The following KCNJ6 variants were observed in gnomAD, a reference collection of about 807,000 sequenced individuals.
KCNJ6 encodes the protein G protein-activated inward rectifier potassium channel 2.
In KCNJ6, 9 loss-of-function variants were observed where a neutral mutation model predicts 34.2. That is an observed-to-expected ratio of 0.26 (90% CI 0.16 to 0.46). The LOEUF is 0.46. Ranked by LOEUF, KCNJ6 falls within the 20% of genes least tolerant of loss-of-function variation. KCNJ6 has a pLI of 1.00. For missense variants in KCNJ6, 236 were observed against 531.3 expected, an observed-to-expected ratio of 0.44 and a Z score of 5.46; for synonymous variants, 196 against 207.1, an observed-to-expected ratio of 0.95 and a Z score of 0.46.
chr21:37,844,054 G>A (rs968210797), intron 1 of KCNJ6, among the ~76,000 whole-genome samples: 2 of 139,750 alleles, frequency 1.4e-5, no homozygotes, highest in African/African-American at 5.3e-5. Flanking sequence ...CTCACCCCCT[G>A]ATATTTTGCA....
At chr21:37,766,514 G>T (rs1041540720) in intron 2 of KCNJ6, among the ~76,000 whole-genome samples, 1 of 152,162 alleles carries the variant, frequency 6.6e-6, no homozygotes, top group African/African-American at 2.4e-5. Flanking sequence ...TAACCAACGG[G>T]CCTGGTAAAT....
chr21:37,771,799 C>CG (rs1178390067), intron 2 of KCNJ6, among the ~76,000 whole-genome samples: 2 of 151,976 alleles, frequency 1.3e-5, no homozygotes, highest in African/African-American at 4.8e-5. Flanking sequence ...ATGCTTTTTT[C>CG]GGGGGGAAAA....
chr21:37,872,980 C>A (rs768585672), intron 1 of KCNJ6, among the ~76,000 whole-genome samples: 1 of 152,196 alleles, frequency 6.6e-6, no homozygotes, highest in Non-Finnish European at 1.5e-5. Flanking sequence ...GAGGCCTCCC[C>A]AGCCATGTGG....
intron 2 of KCNJ6, among the ~76,000 whole-genome samples, chr21:37,816,120 C>A (rs909006510): frequency 1.3e-5 from 2 of 152,186 alleles, no homozygotes; most frequent in Non-Finnish European, 2.9e-5. Flanking sequence ...CAGCGGCATC[C>A]CTGTTCTGGA....
chr21:37,840,786 A>G lies in KCNJ6; in HGVS notation c.-27-77T>C, dbSNP rs1481459831. The G allele has an allele frequency of 7.8e-6, 6 of 766,494 alleles. No individual in the cohort carries two copies. In the Admixed American group the frequency reaches 1.4e-4, roughly 18 times the overall value. The allele number at this position is 766,494 out of a possible 1,614,324, so 47.5% of individuals were successfully genotyped here. A position where few individuals can be genotyped will look rare whatever the true frequency, so the allele number is the denominator to read the frequency against. ...ATTGATCTAATTGCCATTTACAGCT[A>G]TATCTCTCTTCCTTCTTTTTCCTAG... is the stretch of plus-strand genomic sequence containing the variant. On this transcript the variant is annotated intron_variant, in intron 1 of 3. Transcript: ENST00000609713.
chr21:37,916,094 G>A lies in KCNJ6; in HGVS notation c.-238C>T, dbSNP rs1025086407. The A allele has an allele frequency of 1.3e-5, 2 of 152,322 alleles. No individual in the cohort carries two copies. The highest frequency in any genetic ancestry group is 2.9e-5 in the Non-Finnish European group (2 of 68,214). The allele number at this position is 152,322 out of a possible 1,614,324, so 9.4% of individuals were successfully genotyped here. A position where few individuals can be genotyped will look rare whatever the true frequency, so the allele number is the denominator to read the frequency against. On this transcript the variant is annotated 5_prime_UTR_variant, in exon 1 of 4. Transcript: ENST00000609713. The stretch of plus-strand genomic sequence containing the variant: ...TCTGCTCGCGGCTGCTCCGGCTCCA[G>A]GTCCGGCTTCCCGGCGTCCGCGGGT...
intron 2 of KCNJ6, among the ~76,000 whole-genome samples, chr21:37,738,011 G>C (rs1406434278): frequency 6.6e-6 from 1 of 152,214 alleles, no homozygotes; most frequent in Middle Eastern, 3.2e-3. Context: ...AAGGTGGAAT[G>C]ATGGGTTTCA....
chr21:37,895,690 A>G (rs1263508677), intron 1 of KCNJ6, among the ~76,000 whole-genome samples: 1 of 152,202 alleles, frequency 6.6e-6, no homozygotes, highest in Non-Finnish European at 1.5e-5. Context: ...AAAGAGGAAC[A>G]TTGGAATGAA....
rs71316604 is a variant in KCNJ6, at chr21:37,755,931, G to A, written c.26-40800C>T. ...GTGTGAGTGCTAAATGCGGAATGCA[G>A]GCACTTTGTGAAGTCTTTATTCGGT... is the stretch of plus-strand genomic sequence containing the variant. On this transcript the variant is annotated intron_variant, in intron 2 of 3. Transcript: ENST00000609713. Among the ~76,000 whole-genome samples the A allele has an allele frequency of 6.8e-3, 1,040 of 152,346 alleles. 6 individuals carry two copies. Among genetic ancestry groups the A allele is most frequent in the Middle Eastern group, 0.027 (8 of 294 alleles).
chr21:37,723,201 A>G (rs565310782), intron 2 of KCNJ6, among the ~76,000 whole-genome samples: 13 of 152,246 alleles, frequency 8.5e-5, no homozygotes, highest in Non-Finnish European at 1.6e-4. Flanking sequence ...TCATCAGAGA[A>G]ATGCAAATGA....
intron 2 of KCNJ6, among the ~76,000 whole-genome samples, chr21:37,729,014 T>G (rs1010527842): frequency 7.2e-5 from 11 of 152,184 alleles, no homozygotes; most frequent in Admixed American, 7.2e-4. Context: ...GGGAGACTAT[T>G]CTAATCAGAA....
chr21:37,723,146 T>C (rs893228979), intron 2 of KCNJ6, among the ~76,000 whole-genome samples: 12 of 152,150 alleles, frequency 7.9e-5, no homozygotes, highest in Admixed American at 3.3e-4. Context: ...AAAGAAGACA[T>C]ACAAGTGGTC....
At chr21:37,687,198 C>T (rs1279295967) in intron 3 of KCNJ6, among the ~76,000 whole-genome samples, 2 of 152,042 alleles carry the variant, frequency 1.3e-5, no homozygotes, top group Admixed American at 6.6e-5. Flanking sequence ...GGAAAATTGG[C>T]TGCTGGAAGG....
chr21:37,815,832 A>C (rs2055344098), intron 2 of KCNJ6, among the ~76,000 whole-genome samples: 1 of 152,200 alleles, frequency 6.6e-6, no homozygotes, highest in Non-Finnish European at 1.5e-5. Context: ...TATGTGAATA[A>C]ACATGAGTGT....
At chr21:37,843,177 A>T (rs1432356251) in intron 1 of KCNJ6, among the ~76,000 whole-genome samples, 2 of 151,996 alleles carry the variant, frequency 1.3e-5, no homozygotes, top group Non-Finnish European at 2.9e-5. Flanking sequence ...ATCTCTTGTG[A>T]CCTAAGGACC....
At chr21:37,846,039 G>A (rs540407309) in intron 1 of KCNJ6, among the ~76,000 whole-genome samples, 77 of 152,118 alleles carry the variant, frequency 5.1e-4, no homozygotes, top group African/African-American at 1.6e-3. Context: ...AAAAAACAAC[G>A]TTAAGTGTCT....
intron 3 of KCNJ6, among the ~76,000 whole-genome samples, chr21:37,694,603 AC>A (rs541664060): frequency 8.9e-4 from 135 of 152,338 alleles, no homozygotes; most frequent in African/African-American, 3.0e-3. Context: ...TGTGGAGGCT[AC>A]AGACTTTTAG....
intron 1 of KCNJ6, among the ~76,000 whole-genome samples, chr21:37,912,264 A>G (rs749946067): frequency 7.0e-4 from 106 of 152,216 alleles, no homozygotes; most frequent in Admixed American, 1.2e-3. Flanking sequence ...GGAGTATGCT[A>G]TTGACTGAAA....
At chr21:37,840,961 T>A (rs1360348877) in intron 1 of KCNJ6, among the ~76,000 whole-genome samples, 1 of 152,202 alleles carries the variant, frequency 6.6e-6, no homozygotes, top group Non-Finnish European at 1.5e-5. Flanking sequence ...CTTGGATATA[T>A]ATAATTGGTG....
Sources: gnomAD v4.1 joint callset for allele counts (sites outside exome capture counted in the v4.1 genomes callset) on GRCh38, gnomAD v4.1.1 for gene constraint, MANE v1.5 for transcripts, NCBI Gene and HGNC (gene_info 2026-07-23, HGNC 2026-07-21) for gene names.